ZNF208: variants seen among roughly 807,000 people sequenced by gnomAD.
The protein encoded by ZNF208 is zinc finger protein 208.
A neutral mutation model predicts 12.1 loss-of-function variants in ZNF208; 10 were observed. The observed-to-expected ratio is 0.83, with a 90% CI of 0.51 to 1.40. ZNF208 has a LOEUF of 1.40. Ranked by LOEUF, ZNF208 falls within the 40% of genes most tolerant of loss-of-function variation. The pLI, the probability that ZNF208 is intolerant of heterozygous loss-of-function variation, is 0.00. For missense variants in ZNF208, 1,652 were observed against 1,485.0 expected, an observed-to-expected ratio of 1.11 and a Z score of -1.85; for synonymous variants, 497 against 488.4, an observed-to-expected ratio of 1.02 and a Z score of -0.23.
chr19:21,999,036 TATAATTTTATAGC>T (rs1970891925), intron 1 of ZNF208, among the ~76,000 whole-genome samples: 1 of 26,842 alleles, frequency 3.7e-5, no homozygotes, highest in Non-Finnish European at 8.0e-5. Flanking sequence ...AATTTTATGC[TATAATTTTATAGC>T]ATAATTTTAT....
chr19:22,010,579 T>G (rs1305226164), intron 1 of ZNF208, among the ~76,000 whole-genome samples: 3 of 152,112 alleles, frequency 2.0e-5, no homozygotes, highest in Admixed American at 2.0e-4. Flanking sequence ...CAGGGCACAA[T>G]CACAGCGCAG....
chr19:21,989,045 T>C (rs1970677390), intron 1 of ZNF208, 136 bp from the exon 2 acceptor site: 1 of 1,214,996 alleles, frequency 8.2e-7, no homozygotes, highest in Admixed American at 2.6e-5. Context: ...TAAAATAATT[T>C]TTAACACAAA....
At chr19:21,981,921 A>C (rs1010919987) in intron 3 of ZNF208, among the ~76,000 whole-genome samples, 6 of 152,188 alleles carry the variant, frequency 3.9e-5, no homozygotes, top group African/African-American at 1.4e-4. Flanking sequence ...AATAATAGCC[A>C]AATCATGAGT....
intron 4 of ZNF208, among the ~76,000 whole-genome samples, chr19:21,959,300 C>T (rs760844946): frequency 4.6e-5 from 7 of 152,066 alleles, no homozygotes; most frequent in Admixed American, 6.6e-5. Flanking sequence ...TACACAGAAC[C>T]TTCTTGTGCT....
intron 4 of ZNF208, among the ~76,000 whole-genome samples, chr19:21,942,753 A>G (rs1969761446): frequency 6.6e-6 from 1 of 152,082 alleles, no homozygotes; most frequent in African/African-American, 2.4e-5. Context: ...GGTTCACACA[A>G]TTCTCCTGCC....
chr19:21,992,930 C>A (rs1469791833), intron 1 of ZNF208, among the ~76,000 whole-genome samples: 1 of 152,134 alleles, frequency 6.6e-6, no homozygotes, highest in African/African-American at 2.4e-5. Context: ...ACATGTTTAG[C>A]TGAAAAAGAA....
rs377638519 is a variant in ZNF208 at position 21,975,851 on chromosome 19, A to AAAAAAAAAAAAAAAAAAAAAAAAAG, written c.227-1045_227-1044insCTTTTTTTTTTTTTTTTTTTTTTTT. ...AAAAAAAAAAAAAAAAAAAAAAAAAAGCTATCAAGTGAGAATAATACCATC... is the reference window on the plus strand; with the variant it reads ...AAAAAAAAAAAAAAAAAAAAAAAAAAAAAAAAAAAAAAAAAAAAAAAAAAGGCTATCAAGTGAGAATAATACCATC... On this transcript the variant is annotated intron_variant, in intron 3 of 3. Transcript: ENST00000397126. Among the ~76,000 whole-genome samples, 5 of 91,868 alleles carry AAAAAAAAAAAAAAAAAAAAAAAAAG rather than the reference A, an allele frequency of 5.4e-5. 2 individuals are homozygous for AAAAAAAAAAAAAAAAAAAAAAAAAG. Among genetic ancestry groups the AAAAAAAAAAAAAAAAAAAAAAAAAG allele is most frequent in the African/African-American group, 1.4e-4 (3 of 21,952 alleles). The allele number at this position is 91,868 out of a possible 152,430, so 60.3% of individuals were successfully genotyped here.
intron 4 of ZNF208, among the ~76,000 whole-genome samples, chr19:21,957,585 A>C (rs183228424): frequency 6.6e-6 from 1 of 152,152 alleles, no homozygotes; most frequent in South Asian, 2.1e-4. Flanking sequence ...TGGAACCTCA[A>C]AAATACAGGA....
rs757471229 is a variant in ZNF208, at chr19:21,987,261, C to A, written c.181G>T (p.Glu61Ter). The change falls in exon 3 of 4, where the codon GAG becomes TAG. Residue 61 changes from glutamate (E) to a stop codon, truncating the protein, a stop_gained. Coordinates refer to ENST00000397126, the MANE Select transcript of ZNF208 (RefSeq NM_007153.3). LOFTEE classifies it low-confidence loss of function (END_TRUNC). The part of the protein sequence containing the change: ...DLIIFLEEGK[E>*]SWNMKRHEMV... The stretch of plus-strand genomic sequence containing the variant: ...TCATGTCTCTTCATATTCCAGGACT[C>A]TTTTCCTTCCTCCAGAAAAATGATC... 6.2e-7 allele frequency: 1 copy of A among 1,612,796 alleles called. No homozygotes were observed. The highest frequency in any genetic ancestry group is 1.1e-5 in the South Asian group (1 of 90,808).
chr19:21,954,457 G>T (rs1396692411), intron 4 of ZNF208, among the ~76,000 whole-genome samples: 2 of 152,108 alleles, frequency 1.3e-5, no homozygotes, highest in East Asian at 3.9e-4. Context: ...CATTATTATT[G>T]TGTGGGAGTC....
In ZNF208 at chr19:21,966,658, T is replaced by C. The variant is rs1970174805; in HGVS notation, c.*4533A>G. 6.6e-6 allele frequency: 1 copy of C among 152,122 alleles called. No homozygotes were observed. The highest frequency in any genetic ancestry group is 6.6e-5 in the Admixed American group (1 of 15,250). The allele number at this position is 152,122 out of a possible 1,614,324, so 9.4% of individuals were successfully genotyped here. A position where few individuals can be genotyped will look rare whatever the true frequency, so the allele number is the denominator to read the frequency against. On this transcript the variant is annotated 3_prime_UTR_variant, in exon 4 of 4. Transcript: ENST00000397126. The stretch of plus-strand genomic sequence containing the variant: ...TTGATTGGTCAAATGGCAATTCTAT[T>C]TCTAGTTCTTTGAGAAGTCCCCAAA...
chr19:21,988,679 G>A, intron 2 of ZNF208, 104 bp downstream of exon 2: 2 of 1,598,834 alleles, frequency 1.3e-6, no homozygotes, highest in Non-Finnish European at 1.7e-6. Flanking sequence ...TTTTGTCTTT[G>A]TCTTTATTCT....
At chr19:21,957,286 C>T (rs753176264) in intron 4 of ZNF208, among the ~76,000 whole-genome samples, 6 of 152,168 alleles carry the variant, frequency 3.9e-5, no homozygotes, top group Admixed American at 6.5e-5. Context: ...GATCTGCCCA[C>T]CTCAGCATTC....
rs147590661 is a variant in ZNF208 at position 21,973,631 on chromosome 19, A to T, written c.1403T>A (p.Leu468His). ...CGKGFSMFSI[L>H]TKHKVIHNGE... ...ATTATGAATTACCTTATGTTTAGTA[A>T]GGATTGAGAACATACTAAAGCCTTT... The change falls in exon 4 of 4, where the codon CTT becomes CAT. Residue 468 changes from leucine to histidine, a missense_variant. Physicochemically the swap from Leu to His is moderately conservative, Grantham distance 99 (BLOSUM62 -3). Transcript: ENST00000397126. The T allele has an allele frequency of 1.9e-6, 3 of 1,609,768 alleles. No homozygotes were observed. The highest frequency in any genetic ancestry group is 8.5e-7 in the Non-Finnish European group (1 of 1,178,112).
At position 22,007,891 on chromosome 19, in the gene ZNF208, C is replaced by T. The variant is rs530420958; in HGVS notation, c.3+2901G>A. ...TGGTGGCAGGCACCTGTAGTCCCAGCTACTTGGGAGGCTGAGGCATAAGAA... is the reference window on the plus strand; with the variant it reads ...TGGTGGCAGGCACCTGTAGTCCCAGTTACTTGGGAGGCTGAGGCATAAGAA... On this transcript the variant is annotated intron_variant, in intron 1 of 3. Transcript: ENST00000397126. Among the ~76,000 whole-genome samples, 7 of 151,084 alleles carry T rather than the reference C, an allele frequency of 4.6e-5. No homozygotes were observed. In the South Asian group the frequency reaches 1.5e-3, roughly 32 times the overall value.
chr19:21,943,710 G>A (rs1969777444), intron 4 of ZNF208, among the ~76,000 whole-genome samples: 1 of 152,066 alleles, frequency 6.6e-6, no homozygotes, highest in Admixed American at 6.5e-5. Flanking sequence ...CATTTCTAAG[G>A]CTCAGCAATT....
intron 3 of ZNF208, among the ~76,000 whole-genome samples, chr19:21,979,383 C>T (rs1273083183): frequency 6.6e-6 from 1 of 152,162 alleles, no homozygotes; most frequent in Non-Finnish European, 1.5e-5. Flanking sequence ...GATTTCTCTG[C>T]AGAAACCCTA....
intron 4 of ZNF208, among the ~76,000 whole-genome samples, chr19:21,956,386 T>C (rs1226912612): frequency 6.6e-6 from 1 of 152,240 alleles, no homozygotes; most frequent in African/African-American, 2.4e-5. Flanking sequence ...GACATTTAAG[T>C]CTGCAGAAGT....
At chr19:22,001,439 ATAT>A (rs1599632941) in intron 1 of ZNF208, among the ~76,000 whole-genome samples, 2 of 152,232 alleles carry the variant, frequency 1.3e-5, no homozygotes, top group Non-Finnish European at 2.9e-5. Context: ...ATAGAAGCTG[ATAT>A]TATTTTTACT....
Sources: allele counts gnomAD v4.1 joint callset (sites outside exome capture counted in the v4.1 genomes callset), GRCh38; gene constraint gnomAD v4.1.1; transcripts MANE v1.5; gene names NCBI Gene and HGNC (gene_info 2026-07-23, HGNC 2026-07-21).